EFNA4: variants seen among roughly 807,000 people sequenced by gnomAD.
The protein encoded by EFNA4 is ephrin A4, also known as ephrin-A4.
In EFNA4, 22 loss-of-function variants were observed where a neutral mutation model predicts 23.7. That is an observed-to-expected ratio of 0.93 (90% CI 0.66 to 1.32). EFNA4 has a LOEUF of 1.32. EFNA4 is among the 40% of genes most tolerant of loss of function. EFNA4 has a pLI of 0.00. For synonymous variants in EFNA4, 113 were observed against 108.3 expected (o/e 1.04, Z -0.27); for missense variants, 252 against 252.3 (o/e 1.00, Z 0.01).
chr1:155,065,891 C>T (rs1033691551), intron 1 of EFNA4, among the ~76,000 whole-genome samples: 1 of 152,046 alleles, frequency 6.6e-6, no homozygotes, highest in Admixed American at 6.6e-5. Flanking sequence ...CGCCACCACG[C>T]CCGGCTAGTT....
Position 155,063,886 on chromosome 1 carries a change from C to A in EFNA4, c.63C>A (p.Arg21=), listed in dbSNP as rs774589466. ...LWAAFLGSPL[R]GGSSLRHVVY... ...CCGCGTTCCTCGGCTCCCCTCTGCG[C>A]GGGGGCTCCAGCCTCCGCCACGTAG... The change falls in exon 1 of 4, where the codon CGC becomes CGA. Residue 21 remains arginine (R), a synonymous_variant. Coordinates refer to ENST00000368409, the MANE Select transcript of EFNA4 (RefSeq NM_005227.3). The surrounding 1 kb of genome is among the most constrained non-coding windows in gnomAD (Gnocchi z 4.1). 2.2e-5 allele frequency: 35 copies of A among 1,567,264 alleles called. No homozygotes were observed. In the East Asian group the frequency reaches 8.3e-4, roughly 37 times the overall value.
At position 155,063,914 on chromosome 1, in the gene EFNA4, T is replaced by A. The variant is rs896160038; in HGVS notation, c.91T>A (p.Tyr31Asn). Residue 31 changes from tyrosine to asparagine, a missense_variant, in exon 1 of 4, where the codon TAC becomes AAC. Coordinates refer to ENST00000368409, the MANE Select transcript of EFNA4 (RefSeq NM_005227.3). The surrounding 1 kb of genome is among the most constrained non-coding windows in gnomAD (Gnocchi z 4.1). ...RGGSSLRHVV[Y>N]WNSSNPRLLR... is the part of the protein sequence containing the mutation. ...GGGCTCCAGCCTCCGCCACGTAGTC[T>A]ACTGGAACTCCAGTAACCCCAGGTA... 1 of 1,567,106 alleles carries A rather than the reference T, an allele frequency of 6.4e-7. No individual in the cohort carries two copies. The highest frequency in any genetic ancestry group is 2.4e-5 in the East Asian group (1 of 40,964).
chr1:155,065,795 C>T (rs1200282436), intron 1 of EFNA4, among the ~76,000 whole-genome samples: 1 of 151,414 alleles, frequency 6.6e-6, no homozygotes, highest in Non-Finnish European at 1.5e-5. Context: ...TGCAGTGGCG[C>T]AATCTCGGCT....
chr1:155,068,998 G>C lies in EFNA4; in HGVS notation c.*9G>C. Reference sequence around the variant, plus strand: ...TTCTGCGAATTCTGTGAGCCAAGCAGACCTTCCCTCTCATCCCAAGGAGCC... The same window carrying C: ...TTCTGCGAATTCTGTGAGCCAAGCACACCTTCCCTCTCATCCCAAGGAGCC... On this transcript the variant is annotated 3_prime_UTR_variant, in exon 4 of 4. Transcript: ENST00000368409. 2 of 1,613,818 alleles carry C rather than the reference G, an allele frequency of 1.2e-6. No homozygotes were observed. The highest frequency in any genetic ancestry group is 2.2e-5 in the South Asian group (2 of 91,050).
intron 3 of EFNA4, among the ~76,000 whole-genome samples, chr1:155,067,664 C>T (rs191959511): frequency 6.6e-6 from 1 of 152,190 alleles, no homozygotes; most frequent in African/African-American, 2.4e-5. Flanking sequence ...CTCTGTTGCC[C>T]AGGCTGGAGT....
Position 155,068,973 on chromosome 1 carries a change from T to G in EFNA4, c.590T>G (p.Leu197Arg), listed in dbSNP as rs145129032. The change falls in exon 4 of 4, where the codon CTT becomes CGT. Residue 197 changes from leucine (L) to arginine (R), a missense_variant. Transcript: ENST00000368409. ...TTACTGCTGCTTCTGATTCTTCGTC[T>G]TCTGCGAATTCTGTGAGCCAAGCAG... ...LLLLLLLILR[L>R]LRIL is the part of the protein sequence containing the mutation. 1.4e-4 allele frequency: 219 copies of G among 1,614,046 alleles called. 2 individuals carry two copies. In the African/African-American group the frequency reaches 2.6e-3, roughly 19 times the overall value.
At chr1:155,067,272 G>A (rs1663074720) in intron 2 of EFNA4, 100 bp from the exon 3 acceptor site, 1 of 1,410,290 alleles carries the variant, frequency 7.1e-7, no homozygotes, top group Non-Finnish European at 9.9e-7. Flanking sequence ...CGCTTTCCAG[G>A]GACCTGGAGA....
rs1411162602 is a variant in EFNA4, at chr1:155,063,907, C to G, written c.84C>G (p.His28Gln). Residue 28 changes from histidine (H) to glutamine (Q), a missense_variant, in exon 1 of 4, where the codon CAC becomes CAG. Physicochemically the swap from His to Gln is conservative, Grantham distance 24 (BLOSUM62 0). Transcript: ENST00000368409. This position sits in a 1 kb window ranked among gnomAD's most constrained non-coding sequence, Gnocchi z 4.1. ...SPLRGGSSLR[H>Q]VVYWNSSNPR... ...TGCGCGGGGGCTCCAGCCTCCGCCA[C>G]GTAGTCTACTGGAACTCCAGTAACC... 2 of 1,568,036 alleles carry G rather than the reference C, an allele frequency of 1.3e-6. No homozygotes were observed. Among genetic ancestry groups the G allele is most frequent in the African/African-American group, 1.4e-5 (1 of 72,674 alleles).
intron 1 of EFNA4, among the ~76,000 whole-genome samples, chr1:155,066,465 CCTT>C (rs1354170265): frequency 1.3e-5 from 2 of 152,214 alleles, no homozygotes; most frequent in African/African-American, 2.4e-5. Context: ...TGGTGACCCT[CCTT>C]CTCACATCTA....
At position 155,069,366 on chromosome 1, in the gene EFNA4, A is replaced by C. The variant is rs956725684; in HGVS notation, c.*377A>C. The C allele has an allele frequency of 3.0e-5, 18 of 604,890 alleles. No individual in the cohort carries two copies. The highest frequency in any genetic ancestry group is 4.1e-5 in the Non-Finnish European group (15 of 368,592). The allele number at this position is 604,890 out of a possible 1,614,324, so 37.5% of individuals were successfully genotyped here. A position where few individuals can be genotyped will look rare whatever the true frequency, so the allele number is the denominator to read the frequency against. ...CGATTGCTGGACCAGGGCAAAGAAG[A>C]AGCCCTGCCATCTGTGCCCTGTGGG... is the stretch of plus-strand genomic sequence containing the variant. On this transcript the variant is annotated 3_prime_UTR_variant, in exon 4 of 4. Transcript: ENST00000368409.
intron 1 of EFNA4, among the ~76,000 whole-genome samples, chr1:155,066,485 G>A (rs185138849): frequency 6.6e-6 from 1 of 152,358 alleles, no homozygotes; most frequent in East Asian, 1.9e-4. Context: ...TCTAAGCTGT[G>A]TGGTTATGGG....
chr1:155,067,534 G>C, intron 3 of EFNA4, 94 bp downstream of exon 3: 4 of 1,414,420 alleles, frequency 2.8e-6, no homozygotes, highest in Non-Finnish European at 4.0e-6. Flanking sequence ...CAGACTCCAG[G>C]GGTCCTGGTG....
chr1:155,063,772 T>G lies in EFNA4; in HGVS notation c.-52T>G. ...CACTTTGTACCTTTCTCTCCTCGAC[T>G]GTGAAGCGGGCCGGGACCTGCCAGG... On this transcript the variant is annotated 5_prime_UTR_variant, in exon 1 of 4. Transcript: ENST00000368409. This position sits in a 1 kb window ranked among gnomAD's most constrained non-coding sequence, Gnocchi z 4.1. The G allele has an allele frequency of 6.9e-7, 1 of 1,442,096 alleles. No individual in the cohort carries two copies. Among genetic ancestry groups the G allele is most frequent in the Non-Finnish European group, 9.2e-7 (1 of 1,086,810 alleles). 89.3% of individuals were successfully genotyped at this position (1,442,096 alleles called of 1,614,324 possible). A position where few individuals can be genotyped will look rare whatever the true frequency, so the allele number is the denominator to read the frequency against.
At chr1:155,065,867 G>C (rs1405732989) in intron 1 of EFNA4, among the ~76,000 whole-genome samples, 1 of 151,906 alleles carries the variant, frequency 6.6e-6, no homozygotes, top group Non-Finnish European at 1.5e-5. Flanking sequence ...CAAGTAGCTG[G>C]GACTACAGGT....
chr1:155,069,455 G>C lies in EFNA4; in HGVS notation c.*466G>C. 2.4e-6 allele frequency: 1 copy of C among 423,464 alleles called. No homozygotes were observed. Among genetic ancestry groups the C allele is most frequent in the Non-Finnish European group, 4.2e-6 (1 of 239,464 alleles). The allele number at this position is 423,464 out of a possible 1,614,324, so 26.2% of individuals were successfully genotyped here. The stretch of plus-strand genomic sequence containing the variant: ...TCACTCACTTGTCTTCTATGAAGAC[G>C]GACTCTTCATGAGGTTGAATTTCAT... On this transcript the variant is annotated 3_prime_UTR_variant, in exon 4 of 4. Transcript: ENST00000368409.
chr1:155,067,162 G>A (rs1461414158), intron 2 of EFNA4, 146 bp downstream of exon 2: 4 of 1,173,190 alleles, frequency 3.4e-6, no homozygotes, highest in Non-Finnish European at 4.8e-6. Flanking sequence ...GGAGGGAAAT[G>A]TCTAGAAAGG....
In EFNA4 at chr1:155,066,755, G is replaced by A; in HGVS notation, c.139G>A (p.Glu47Lys). The change falls in exon 2 of 4, where the codon GAG (glutamate) becomes AAG (lysine). Residue 47 changes from glutamate to lysine, a missense_variant. By Grantham distance (56) the Glu-to-Lys change is moderately conservative (BLOSUM62 1). Transcript: ENST00000368409. The stretch of plus-strand genomic sequence containing the variant: ...GTTGCTTCGAGGAGACGCCGTGGTG[G>A]AGCTGGGCCTCAACGATTACCTAGA... ...PRLLRGDAVV[E>K]LGLNDYLDIV... is the part of the protein sequence containing the mutation. 6.2e-7 allele frequency: 1 copy of A among 1,604,146 alleles called. No individual in the cohort carries two copies. The highest frequency in any genetic ancestry group is 1.1e-5 in the South Asian group (1 of 89,848).
chr1:155,066,717 G>A lies in EFNA4; in HGVS notation c.114-13G>A, dbSNP rs747289729. 1.3e-5 allele frequency: 21 copies of A among 1,571,556 alleles called. No individual in the cohort carries two copies. Among genetic ancestry groups the A allele is most frequent in the African/African-American group, 1.1e-4 (8 of 73,312 alleles). ...CCTCCACTCCTCAGCCCACCCCTGC[G>A]TTATGCCTGCAGGTTGCTTCGAGGA... On this transcript the variant is annotated splice_polypyrimidine_tract_variant and intron_variant, in intron 1 of 3. Coordinates refer to ENST00000368409, the MANE Select transcript of EFNA4 (RefSeq NM_005227.3).
At chr1:155,065,014 C>A (rs921604707) in intron 1 of EFNA4, among the ~76,000 whole-genome samples, 1 of 152,240 alleles carries the variant, frequency 6.6e-6, no homozygotes, top group Non-Finnish European at 1.5e-5. Context: ...ACCAAAGCTT[C>A]TGAATCACTT....
Sources: gnomAD v4.1 joint callset for allele counts (sites outside exome capture counted in the v4.1 genomes callset) on GRCh38, gnomAD v4.1.1 for gene constraint, Gnocchi (gnomAD v3.1) non-coding constraint, MANE v1.5 for transcripts, NCBI Gene and HGNC (gene_info 2026-07-23, HGNC 2026-07-21) for gene names.